The following LCK variants were observed in gnomAD, a reference collection of about 807,000 sequenced individuals.
The protein encoded by LCK is LCK proto-oncogene, Src family tyrosine kinase.
Under a neutral mutation model 64.6 loss-of-function variants are expected in LCK, and 14 were observed. The observed-to-expected ratio is 0.22, with a 90% CI of 0.14 to 0.34. The LOEUF (loss-of-function observed/expected upper bound fraction) is 0.34. Among genes scored for constraint, LCK ranks in the 10% least tolerant of loss-of-function variants. The pLI, the probability that LCK is intolerant of heterozygous loss-of-function variation, is 1.00. For missense variants in LCK, 434 were observed against 668.1 expected, an observed-to-expected ratio of 0.65 and a Z score of 3.86; for synonymous variants, 277 against 263.6, an observed-to-expected ratio of 1.05 and a Z score of -0.49.
chr1:32,265,099 C>T (rs1192272464), intron 1 of LCK, among the ~76,000 whole-genome samples: 4 of 151,248 alleles, frequency 2.6e-5, no homozygotes, highest in Admixed American at 1.3e-4. Context: ...CCCAGCTGCT[C>T]GGGAGGCTGA....
chr1:32,266,877 T>C (rs967063014), intron 1 of LCK, among the ~76,000 whole-genome samples: 8 of 132,702 alleles, frequency 6.0e-5, no homozygotes, highest in African/African-American at 2.4e-4. Context: ...CCCTTCCTCC[T>C]ATACATTCCC....
At chr1:32,284,048 T>C (rs1640539876) in intron 12 of LCK, among the ~76,000 whole-genome samples, 3 of 151,736 alleles carry the variant, frequency 2.0e-5, no homozygotes, top group African/African-American at 7.2e-5. Flanking sequence ...GCCCAGCTAA[T>C]TTTTGTATTT....
chr1:32,269,713 T>G (rs1428601555), intron 1 of LCK: 1 of 151,834 alleles, frequency 6.6e-6, no homozygotes. Flanking sequence ...ATTACAGGCA[T>G]GAGCCACCGC....
chr1:32,258,724 A>G (rs562256895), intron 1 of LCK, among the ~76,000 whole-genome samples: 9 of 150,222 alleles, frequency 6.0e-5, no homozygotes, highest in African/African-American at 2.2e-4. Flanking sequence ...GAATCGCTTG[A>G]ACCTGGGAGG....
At position 32,268,731 on chromosome 1, in the gene LCK, T is replaced by G. The variant is rs191761185; in HGVS notation, c.-5-5594T>G. On this transcript the variant is annotated intron_variant, in intron 1 of 12. Coordinates refer to ENST00000336890, the MANE Select transcript of LCK (RefSeq NM_005356.5). ...GGGAGACTGAGGTAGGAGAATCGCT[T>G]GAACCTGGGAGGCAGAGGTTGCGGT... 1.4e-3 allele frequency among the ~76,000 whole-genome samples: 209 copies of G among 148,612 alleles called. 1 individual carries two copies. Among genetic ancestry groups the G allele is most frequent in the African/African-American group, 4.2e-3 (170 of 40,200 alleles).
In LCK at chr1:32,274,718, C is replaced by G. The variant is rs1640201073; in HGVS notation, c.106-19C>G. The G allele has an allele frequency of 1.9e-6, 3 of 1,555,348 alleles. No individual in the cohort carries two copies. The highest frequency in any genetic ancestry group is 2.6e-6 in the Non-Finnish European group (3 of 1,145,746). On this transcript the variant is annotated intron_variant, in intron 2 of 12. Coordinates refer to ENST00000336890, the MANE Select transcript of LCK (RefSeq NM_005356.5). ...CAATCTTCTGCTTTCTGACCCCACC[C>G]TCATCCCCCACTCCACAGCTGCTCA...
chr1:32,254,256 C>T (rs780662960), intron 1 of LCK, among the ~76,000 whole-genome samples: 7 of 152,264 alleles, frequency 4.6e-5, no homozygotes, highest in Admixed American at 3.9e-4. Context: ...CAGTGGCTCA[C>T]GCCTGTAATC....
At chr1:32,269,880 G>A (rs1317223147) in intron 1 of LCK, among the ~76,000 whole-genome samples, 1 of 152,178 alleles carries the variant, frequency 6.6e-6, no homozygotes, top group African/African-American at 2.4e-5. Context: ...ACTAAACTAA[G>A]CTAACATTCA....
intron 1 of LCK, among the ~76,000 whole-genome samples, chr1:32,261,100 CCT>C (rs562532399): frequency 1.3e-3 from 195 of 151,226 alleles, no homozygotes; most frequent in African/African-American, 4.6e-3. Context: ...GACAGGGTCC[CCT>C]GTCGCCCAGA....
chr1:32,266,704 C>T (rs1339843021), intron 1 of LCK, among the ~76,000 whole-genome samples: 2 of 51,954 alleles, frequency 3.8e-5, no homozygotes. Context: ...TCCCCATCCC[C>T]TTCCCCCTCC....
In LCK at chr1:32,275,702, G is replaced by C. The variant is rs1460905377; in HGVS notation, c.481+30G>C. On this transcript the variant is annotated intron_variant, in intron 6 of 12. Transcript: ENST00000336890. The surrounding 1 kb of genome is among the most constrained non-coding windows in gnomAD (Gnocchi z 6.9). The stretch of plus-strand genomic sequence containing the variant: ...GCGGGCGGCGGTCTCGACCGGGCGC[G>C]GGGGTGCCCCGGGGTGTGCCCGAGG... 1.3e-6 allele frequency: 2 copies of C among 1,534,090 alleles called. No individual in the cohort carries two copies. Among genetic ancestry groups the C allele is most frequent in the Admixed American group, 1.9e-5 (1 of 51,290 alleles).
chr1:32,257,951 T>G (rs1218289282), intron 1 of LCK, among the ~76,000 whole-genome samples: 1 of 152,086 alleles, frequency 6.6e-6, no homozygotes, highest in Non-Finnish European at 1.5e-5. Context: ...GCTTTTTTTT[T>G]TGTTCTCTCT....
intron 1 of LCK, among the ~76,000 whole-genome samples, chr1:32,252,191 G>A (rs909572879): frequency 9.2e-5 from 14 of 152,100 alleles, no homozygotes; most frequent in African/African-American, 3.1e-4. Context: ...GTGAGGAAGC[G>A]CTGAACTTCC....
At chr1:32,266,486 A>G (rs1388913751) in intron 1 of LCK, among the ~76,000 whole-genome samples, 3 of 136,504 alleles carry the variant, frequency 2.2e-5, no homozygotes, top group African/African-American at 8.4e-5. Context: ...TGGGCAACAG[A>G]GCGAGACTCT....
intron 12 of LCK, among the ~76,000 whole-genome samples, chr1:32,281,890 C>T (rs956800311): frequency 4.0e-5 from 6 of 151,852 alleles, no homozygotes; most frequent in African/African-American, 1.5e-4. Flanking sequence ...TGGTGAAACC[C>T]CGTCTCTACT....
chr1:32,274,847 C>T, intron 3 of LCK, 29 bp downstream of exon 3: 1 of 1,613,996 alleles, frequency 6.2e-7, no homozygotes, highest in Non-Finnish European at 8.5e-7. Context: ...GCCTGAAAGA[C>T]AAGGCCTGCG....
chr1:32,284,741 A>G (rs1246448515), intron 12 of LCK, among the ~76,000 whole-genome samples: 1 of 152,176 alleles, frequency 6.6e-6, no homozygotes, highest in East Asian at 1.9e-4. Context: ...AGGTAGGAAC[A>G]GTTATTTACT....
At chr1:32,284,363 A>G (rs1388445182) in intron 12 of LCK, among the ~76,000 whole-genome samples, 1 of 148,276 alleles carries the variant, frequency 6.7e-6, no homozygotes, top group Non-Finnish European at 1.5e-5. Flanking sequence ...TATTATTTTT[A>G]TTTTTAATTT....
rs1640248374 is a variant in LCK, at chr1:32,275,800, G to C, written c.482-114G>C. On this transcript the variant is annotated intron_variant, in intron 6 of 12. Coordinates refer to ENST00000336890, the MANE Select transcript of LCK (RefSeq NM_005356.5). The surrounding 1 kb of genome is among the most constrained non-coding windows in gnomAD (Gnocchi z 6.9). ...GGGACGCGGGATGAGCCCGAGGTGG[G>C]GGCGCGGGATGACCCGGAGTTGGGG... 7.0e-7 allele frequency: 1 copy of C among 1,437,164 alleles called. No homozygotes were observed. 89.0% of individuals were successfully genotyped at this position (1,437,164 alleles called of 1,614,324 possible).
Sources: allele counts gnomAD v4.1 joint callset (sites outside exome capture counted in the v4.1 genomes callset), GRCh38; gene constraint gnomAD v4.1.1; non-coding constraint Gnocchi (gnomAD v3.1); transcripts MANE v1.5; gene names NCBI Gene and HGNC (gene_info 2026-07-23, HGNC 2026-07-21).